The following IL5RA variants were observed in gnomAD, a reference collection of about 807,000 sequenced individuals.
IL5RA encodes interleukin-5 receptor subunit alpha.
In IL5RA, 49 loss-of-function variants were observed where a neutral mutation model predicts 50.0. That is an observed-to-expected ratio of 0.98 (90% confidence interval 0.78 to 1.24). The LOEUF (loss-of-function observed/expected upper bound fraction) is 1.24. IL5RA is among the 50% of genes most tolerant of loss of function. The probability of loss-of-function intolerance (pLI) is 0.00; values close to 1 mark genes in which losing one functional copy is unlikely to be tolerated. For synonymous variants in IL5RA, 202 were observed against 174.0 expected (o/e 1.16, Z -1.26); for missense variants, 600 against 500.4 (o/e 1.20, Z -1.90).
At chr3:3,072,070 C>A (rs1161993112) in intron 11 of IL5RA, among the ~76,000 whole-genome samples, 1 of 152,234 alleles carries the variant, frequency 6.6e-6, no homozygotes, top group African/African-American at 2.4e-5. Flanking sequence ...TGGCCACTGC[C>A]CATAGCACCA....
Position 3,070,193 on chromosome 3 carries a change from T to G in IL5RA, c.*32A>C. The G allele has an allele frequency of 7.1e-7, 1 of 1,402,968 alleles. No homozygotes were observed. The highest frequency in any genetic ancestry group is 1.0e-6 in the Non-Finnish European group (1 of 992,174). The allele number at this position is 1,402,968 out of a possible 1,614,324, so 86.9% of individuals were successfully genotyped here. A position where few individuals can be genotyped will look rare whatever the true frequency, so the allele number is the denominator to read the frequency against. On this transcript the variant is annotated 3_prime_UTR_variant, in exon 12 of 12. Transcript: ENST00000446632. ...CTTTTCACTGAGGCACTGAGGCATG[T>G]GTGAGTTCATCAGAGGATGCCAAAG...
intron 5 of IL5RA, among the ~76,000 whole-genome samples, chr3:3,098,674 G>C (rs1703482038): frequency 1.3e-5 from 2 of 152,076 alleles, no homozygotes; most frequent in Non-Finnish European, 2.9e-5. Context: ...TAAAGTGCTG[G>C]AATTACAGGC....
At position 3,090,722 on chromosome 3, in the gene IL5RA, A is replaced by G. The variant is rs190310376; in HGVS notation, c.994+1502T>C. On this transcript the variant is annotated intron_variant, in intron 9 of 11. Coordinates refer to ENST00000446632, the MANE Select transcript of IL5RA (RefSeq NM_175726.4). ...GCTGGGACTACAGGCGCCCGCCACC[A>G]CGCCCGGCTAATTTTTTGTTGTTGT... Among the ~76,000 whole-genome samples, 145 of 151,192 alleles carry G rather than the reference A, an allele frequency of 9.6e-4. No homozygotes were observed. The East Asian group carries it at 0.024, about 25-fold the overall frequency.
At chr3:3,085,719 G>T (rs1202696801) in intron 9 of IL5RA, among the ~76,000 whole-genome samples, 1 of 152,072 alleles carries the variant, frequency 6.6e-6, no homozygotes, top group Admixed American at 6.5e-5. Flanking sequence ...CTTCCTTCCA[G>T]CCCATATTGC....
intron 3 of IL5RA, 26 bp from the exon 4 acceptor site, chr3:3,102,846 A>G (rs561147662): frequency 6.3e-7 from 1 of 1,586,736 alleles, no homozygotes; most frequent in African/African-American, 1.4e-5. Flanking sequence ...ATAAAGAAAC[A>G]ACACAATGTT....
In IL5RA at chr3:3,076,541, T is replaced by G; in HGVS notation, c.1081A>C (p.Ile361Leu). 6.2e-7 allele frequency: 1 copy of G among 1,604,810 alleles called. No individual in the cohort carries two copies. The highest frequency in any genetic ancestry group is 8.5e-7 in the Non-Finnish European group (1 of 1,172,130). ...ICFILLILSL[I>L]CKICHLWIKL... ...GTAAAGAACACTTACATTTTACAGA[T>G]AAGCGAGAGAATTAACAAGATGAAG... The change falls in exon 10 of 12, where the codon ATC becomes CTC. Residue 361 changes from isoleucine (I) to leucine (L), a missense_variant. By Grantham distance (5) the Ile-to-Leu change is conservative (BLOSUM62 2). Coordinates refer to ENST00000446632, the MANE Select transcript of IL5RA (RefSeq NM_175726.4).
chr3:3,071,582 TGTGTGTGTGTGTGTA>T (rs1266371841), intron 11 of IL5RA, among the ~76,000 whole-genome samples: 64 of 143,988 alleles, frequency 4.4e-4, no homozygotes, highest in Middle Eastern at 3.5e-3. Context: ...TGTGTGTGTG[TGTGTGTGTGTGTGTA>T]TTTTTTTTTT....
At chr3:3,074,918 T>G in intron 10 of IL5RA, 52 bp from the exon 11 acceptor site, 1 of 1,068,954 alleles carries the variant, frequency 9.4e-7, no homozygotes. Context: ...ACCTTTTGTC[T>G]CTAAATATCT....
chr3:3,106,881 G>T (rs1208926038), intron 2 of IL5RA, among the ~76,000 whole-genome samples: 1 of 149,196 alleles, frequency 6.7e-6, no homozygotes, highest in Non-Finnish European at 1.5e-5. Context: ...GACTGGCAAA[G>T]TAAAACTATG....
chr3:3,089,319 C>T (rs1005608102), intron 9 of IL5RA, among the ~76,000 whole-genome samples: 11 of 152,156 alleles, frequency 7.2e-5, no homozygotes, highest in Admixed American at 3.9e-4. Context: ...TAACTTAGCA[C>T]GACCAGCCCC....
intron 9 of IL5RA, among the ~76,000 whole-genome samples, chr3:3,078,266 AAACTC>A (rs1261158961): frequency 6.6e-6 from 1 of 152,234 alleles, no homozygotes; most frequent in African/African-American, 2.4e-5. Context: ...AAAATAATTA[AAACTC>A]AAATCATTCA....
chr3:3,086,756 C>T (rs1011246655), intron 9 of IL5RA, among the ~76,000 whole-genome samples: 2 of 152,126 alleles, frequency 1.3e-5, no homozygotes, highest in Non-Finnish European at 1.5e-5. Flanking sequence ...CAAAAAGACA[C>T]CTAACGTGCA....
At chr3:3,072,527 A>T (rs980202230) in intron 11 of IL5RA, among the ~76,000 whole-genome samples, 3 of 152,246 alleles carry the variant, frequency 2.0e-5, no homozygotes, top group Admixed American at 6.5e-5. Context: ...CAACTTCGGA[A>T]TATTAAAGGA....
chr3:3,100,259 T>A (rs1703580738), intron 5 of IL5RA, among the ~76,000 whole-genome samples: 1 of 152,198 alleles, frequency 6.6e-6, no homozygotes, highest in South Asian at 2.1e-4. Flanking sequence ...TCAGCCAGTG[T>A]CTTTCAAGAA....
intron 10 of IL5RA, among the ~76,000 whole-genome samples, chr3:3,075,950 T>G (rs1702467185): frequency 6.6e-6 from 1 of 152,184 alleles, no homozygotes; most frequent in Non-Finnish European, 1.5e-5. Flanking sequence ...AAAACATGTT[T>G]TTAAGCCTCC....
At chr3:3,078,796 T>C (rs1203513445) in intron 9 of IL5RA, among the ~76,000 whole-genome samples, 1 of 148,608 alleles carries the variant, frequency 6.7e-6, no homozygotes, top group Non-Finnish European at 1.5e-5. Flanking sequence ...ATCCCGCCAC[T>C]GCACTCCAGC....
rs71058670 is a variant in IL5RA, at chr3:3,070,575, C to CTTTTTTTTTTTTTTTT, written c.1177-280_1177-265dup. Among the ~76,000 whole-genome samples, 10 of 84,918 alleles carry CTTTTTTTTTTTTTTTT rather than the reference C, an allele frequency of 1.2e-4. 2 individuals carry two copies. Among genetic ancestry groups the CTTTTTTTTTTTTTTTT allele is most frequent in the African/African-American group, 5.4e-4 (10 of 18,476 alleles). 55.7% of individuals were successfully genotyped at this position (84,918 alleles called of 152,430 possible). A position where few individuals can be genotyped will look rare whatever the true frequency, so the allele number is the denominator to read the frequency against. On this transcript the variant is annotated intron_variant, in intron 11 of 11. Transcript: ENST00000446632. ...TACTTGAAGTCATATGGATACACAT[C>CTTTTTTTTTTTTTTTT]TTTTTTTTTTTTTTTTTTTTTTTTT...
chr3:3,107,537 ATTC>A (rs1352292322), intron 2 of IL5RA, among the ~76,000 whole-genome samples: 1 of 152,188 alleles, frequency 6.6e-6, no homozygotes, highest in Non-Finnish European at 1.5e-5. Flanking sequence ...TGTTCGACTC[ATTC>A]TTCTCATGGC....
intron 5 of IL5RA, among the ~76,000 whole-genome samples, chr3:3,100,208 T>G (rs961132615): frequency 6.6e-6 from 1 of 152,188 alleles, no homozygotes; most frequent in Non-Finnish European, 1.5e-5. Context: ...GGGGGTCTTT[T>G]GATCGTAGCT....
Sources: allele counts gnomAD v4.1 joint callset (sites outside exome capture counted in the v4.1 genomes callset), GRCh38; gene constraint gnomAD v4.1.1; transcripts MANE v1.5; gene names NCBI Gene and HGNC (gene_info 2026-07-23, HGNC 2026-07-21).